The following SLC9A9 variants were observed in gnomAD, a reference collection of about 807,000 sequenced individuals.
SLC9A9 encodes sodium/hydrogen exchanger 9.
Under a neutral mutation model 77.8 loss-of-function variants are expected in SLC9A9, and 62 were observed. The observed-to-expected ratio is 0.80, with a 90% confidence interval of 0.65 to 0.98. The LOEUF (loss-of-function observed/expected upper bound fraction) is 0.98, where lower values mean the gene tolerates loss of function less well. Ranked by LOEUF, SLC9A9 falls within the 50% of genes least tolerant of loss-of-function variation. The pLI, the probability that SLC9A9 is intolerant of heterozygous loss-of-function variation, is 0.00. For missense variants in SLC9A9, 775 were observed against 774.9 expected (o/e 1.00, Z 0.00); for synonymous variants, 320 against 283.5 (o/e 1.13, Z -1.29).
At chr3:143,631,219 A>C (rs77645438) in intron 6 of SLC9A9, among the ~76,000 whole-genome samples, 423 of 152,294 alleles carry the variant, frequency 2.8e-3, no homozygotes, top group African/African-American at 9.7e-3. Context: ...ATAAATCCAA[A>C]CAAAACTTAG....
intron 14 of SLC9A9, among the ~76,000 whole-genome samples, chr3:143,335,470 T>C (rs1222634297): frequency 6.6e-6 from 1 of 152,182 alleles, no homozygotes; most frequent in African/African-American, 2.4e-5. Flanking sequence ...AAAACATTCT[T>C]GAAAAAGAAG....
chr3:143,621,820 C>T (rs1432962695), intron 6 of SLC9A9, among the ~76,000 whole-genome samples: 1 of 152,044 alleles, frequency 6.6e-6, no homozygotes, highest in East Asian at 1.9e-4. Context: ...CTACCCTGAG[C>T]TAAAGGAGAA....
At chr3:143,267,919 C>T (rs955736326) in intron 15 of SLC9A9, among the ~76,000 whole-genome samples, 4 of 152,198 alleles carry the variant, frequency 2.6e-5, no homozygotes, top group African/African-American at 7.2e-5. Context: ...TTCCAACTTT[C>T]GCCTGTCCCA....
At chr3:143,743,171 C>G (rs547522962) in intron 4 of SLC9A9, among the ~76,000 whole-genome samples, 1 of 149,332 alleles carries the variant, frequency 6.7e-6, no homozygotes, top group African/African-American at 2.5e-5. Context: ...CAGAGACAGA[C>G]CAATAGGAAG....
At chr3:143,557,242 A>G (rs116321502) in intron 8 of SLC9A9, among the ~76,000 whole-genome samples, 67 of 152,178 alleles carry the variant, frequency 4.4e-4, no homozygotes, top group African/African-American at 1.6e-3. Context: ...CTTCTGCCAG[A>G]ATTGTAAGTT....
intron 4 of SLC9A9, among the ~76,000 whole-genome samples, chr3:143,699,966 G>A (rs942840789): frequency 6.6e-6 from 1 of 151,814 alleles, no homozygotes; most frequent in African/African-American, 2.4e-5. Flanking sequence ...GAGTAAGGAG[G>A]ACTTTGTCTT....
At chr3:143,573,282 C>T (rs571996470) in intron 8 of SLC9A9, among the ~76,000 whole-genome samples, 3 of 152,128 alleles carry the variant, frequency 2.0e-5, no homozygotes, top group African/African-American at 7.2e-5. Context: ...TTCGAATGTC[C>T]GTTAAGATGT....
At chr3:143,324,507 C>T (rs1207691484) in intron 14 of SLC9A9, among the ~76,000 whole-genome samples, 4 of 152,168 alleles carry the variant, frequency 2.6e-5, no homozygotes, top group Admixed American at 6.5e-5. Flanking sequence ...GCAGTGCCAA[C>T]GAACTGTGGA....
intron 14 of SLC9A9, among the ~76,000 whole-genome samples, chr3:143,351,948 G>A (rs1323483122): frequency 6.6e-6 from 1 of 151,988 alleles, no homozygotes; most frequent in Non-Finnish European, 1.5e-5. Flanking sequence ...GGGAAAAAAA[G>A]GAAAAAAAGT....
intron 1 of SLC9A9, among the ~76,000 whole-genome samples, chr3:143,837,180 G>T (rs1323836375): frequency 6.6e-6 from 1 of 152,170 alleles, no homozygotes; most frequent in Non-Finnish European, 1.5e-5. Flanking sequence ...CACTATAATT[G>T]TGTCCAGACA....
chr3:143,352,674 T>C (rs1404550722), intron 14 of SLC9A9, among the ~76,000 whole-genome samples: 2 of 152,192 alleles, frequency 1.3e-5, no homozygotes, highest in East Asian at 1.9e-4. Flanking sequence ...AGAATCAATA[T>C]CTTAATGAAA....
intron 12 of SLC9A9, among the ~76,000 whole-genome samples, chr3:143,453,121 G>A (rs529030543): frequency 6.6e-5 from 10 of 152,040 alleles, no homozygotes; most frequent in Admixed American, 5.2e-4. Flanking sequence ...TGAACCATAC[G>A]AAATTGGCAA....
At chr3:143,300,296 C>T (rs1578274107) in intron 14 of SLC9A9, among the ~76,000 whole-genome samples, 4 of 152,204 alleles carry the variant, frequency 2.6e-5, no homozygotes, top group African/African-American at 9.7e-5. Flanking sequence ...AGAGAGAATG[C>T]ATGTAGAGCA....
intron 11 of SLC9A9, among the ~76,000 whole-genome samples, chr3:143,475,557 C>T (rs2035460040): frequency 6.6e-6 from 1 of 151,922 alleles, no homozygotes; most frequent in Non-Finnish European, 1.5e-5. Context: ...CTTTGGGAGG[C>T]CAAGGCGGGT....
chr3:143,801,518 C>T (rs1036490195), intron 2 of SLC9A9, among the ~76,000 whole-genome samples: 1 of 152,130 alleles, frequency 6.6e-6, no homozygotes, highest in Non-Finnish European at 1.5e-5. Context: ...GACTTCAATC[C>T]AGCCTCCCAC....
intron 8 of SLC9A9, among the ~76,000 whole-genome samples, chr3:143,553,371 T>C (rs1200091097): frequency 1.3e-5 from 2 of 152,136 alleles, no homozygotes; most frequent in African/African-American, 2.4e-5. Flanking sequence ...TTGTGGGAAA[T>C]TGGGCATAGA....
At chr3:143,628,252 A>G (rs900752214) in intron 6 of SLC9A9, among the ~76,000 whole-genome samples, 3 of 152,204 alleles carry the variant, frequency 2.0e-5, no homozygotes, top group Admixed American at 2.0e-4. Flanking sequence ...ACATCCCAAT[A>G]ACCTTATGGT....
intron 14 of SLC9A9, among the ~76,000 whole-genome samples, chr3:143,281,226 C>T (rs1290994665): frequency 6.6e-6 from 1 of 152,152 alleles, no homozygotes; most frequent in South Asian, 2.1e-4. Context: ...CACTAAGTTG[C>T]TACATGGAGG....
intron 8 of SLC9A9, among the ~76,000 whole-genome samples, chr3:143,556,301 A>T (rs933067232): frequency 6.6e-6 from 1 of 152,200 alleles, no homozygotes; most frequent in African/African-American, 2.4e-5. Context: ...TGTGCCAGTC[A>T]TCAAACCAGT....
Sources: gnomAD v4.1 joint callset for allele counts (sites outside exome capture counted in the v4.1 genomes callset) on GRCh38, gnomAD v4.1.1 for gene constraint, MANE v1.5 for transcripts, NCBI Gene and HGNC (gene_info 2026-07-23, HGNC 2026-07-21) for gene names.